GRHL2: variants seen among roughly 807,000 people sequenced by gnomAD.
The protein encoded by GRHL2 is grainyhead like transcription factor 2.
In GRHL2, 21 loss-of-function variants were observed where a neutral mutation model predicts 83.8. The observed-to-expected ratio is 0.25, with a 90% CI of 0.18 to 0.36. The LOEUF (loss-of-function observed/expected upper bound fraction) is 0.36, where lower values mean the gene tolerates loss of function less well. Among genes scored for constraint, GRHL2 ranks in the 10% least tolerant of loss-of-function variants. GRHL2 has a pLI of 1.00. For synonymous variants in GRHL2, 280 were observed against 278.9 expected (o/e 1.00, Z -0.04); for missense variants, 623 against 781.8 (o/e 0.80, Z 2.42).
At chr8:101,589,567 G>A (rs1183112779) in intron 7 of GRHL2, among the ~76,000 whole-genome samples, 1 of 152,168 alleles carries the variant, frequency 6.6e-6, no homozygotes, top group East Asian at 1.9e-4. Context: ...TTCATACTCT[G>A]TGCTTATGGT....
At chr8:101,652,560 G>GTGT (rs879733135) in intron 14 of GRHL2, among the ~76,000 whole-genome samples, 4 of 53,342 alleles carry the variant, frequency 7.5e-5, no homozygotes, top group African/African-American at 1.0e-4. Flanking sequence ...GTGTATGTGT[G>GTGT]GTGGTGTGTG....
At chr8:101,527,689 T>C (rs981367654) in intron 1 of GRHL2, among the ~76,000 whole-genome samples, 2 of 152,252 alleles carry the variant, frequency 1.3e-5, no homozygotes, top group African/African-American at 4.8e-5. Flanking sequence ...TCTTTATCCA[T>C]GCATCTCTTT....
rs531582006 is a variant in GRHL2, at chr8:101,608,735, T to A, written c.1098+9584T>A. On this transcript the variant is annotated intron_variant, in intron 8 of 15. Transcript: ENST00000646743. Reference sequence around the variant, plus strand: ...ATTTGCTTTGTCTCTGCTCACTCTCTCACACACACACACACACACACACAC... The same window carrying A: ...ATTTGCTTTGTCTCTGCTCACTCTCACACACACACACACACACACACACAC... Among the ~76,000 whole-genome samples, 26 of 144,774 alleles carry A rather than the reference T, an allele frequency of 1.8e-4. No individual in the cohort carries two copies. The East Asian group carries it at 4.2e-3, about 24-fold the overall frequency. The allele number at this position is 144,774 out of a possible 152,430, so 95.0% of individuals were successfully genotyped here.
At chr8:101,601,735 G>A (rs1443022237) in intron 8 of GRHL2, among the ~76,000 whole-genome samples, 1 of 152,128 alleles carries the variant, frequency 6.6e-6, no homozygotes, top group African/African-American at 2.4e-5. Flanking sequence ...TGAGGTTTGG[G>A]TTAATCAATA....
chr8:101,674,501 A>G (rs1160392122), downstream of GRHL2, among the ~76,000 whole-genome samples: 1 of 152,160 alleles, frequency 6.6e-6, no homozygotes, highest in East Asian at 1.9e-4. Context: ...TCCCAAGACT[A>G]AACCAGGAAG....
intron 13 of GRHL2, among the ~76,000 whole-genome samples, chr8:101,647,309 G>A (rs1474228424): frequency 6.6e-6 from 1 of 152,202 alleles, no homozygotes; most frequent in Non-Finnish European, 1.5e-5. Context: ...AGGTTGCAGT[G>A]AGCTGAGATC....
chr8:101,649,572 G>A (rs187814838), intron 14 of GRHL2, 73 bp downstream of exon 14: 27 of 1,112,898 alleles, frequency 2.4e-5, no homozygotes, highest in East Asian at 1.7e-4. Flanking sequence ...ATGTACTAAC[G>A]TGCAGCCACC....
chr8:101,583,370 T>A (rs948898765), intron 7 of GRHL2, among the ~76,000 whole-genome samples: 3 of 152,186 alleles, frequency 2.0e-5, no homozygotes, highest in Non-Finnish European at 4.4e-5. Context: ...ACTGTCAAGC[T>A]GATAGAGCCT....
At chr8:101,670,798 T>C (rs542266495), downstream of GRHL2, among the ~76,000 whole-genome samples, 1 of 152,328 alleles carries the variant, frequency 6.6e-6, no homozygotes, top group African/African-American at 2.4e-5. Flanking sequence ...TGTCGTGAAG[T>C]TCAGTACCAG....
chr8:101,666,807 A>C lies in GRHL2; in HGVS notation c.*104A>C, dbSNP rs531168938. ...CCTGGAGACCCATCTCCCCCATCTC[A>C]CAACTGCTGTTACAAGACCGTGCTG... On this transcript the variant is annotated 3_prime_UTR_variant, in exon 16 of 16. Coordinates refer to ENST00000646743, the MANE Select transcript of GRHL2 (RefSeq NM_024915.4). 4.0e-6 allele frequency: 3 copies of C among 756,718 alleles called. No individual in the cohort carries two copies. The highest frequency in any genetic ancestry group is 2.9e-5 in the South Asian group (2 of 69,140). The allele number at this position is 756,718 out of a possible 1,614,324, so 46.9% of individuals were successfully genotyped here.
intron 1 of GRHL2, among the ~76,000 whole-genome samples, chr8:101,505,586 A>AAAAC (rs1810322882): frequency 6.6e-6 from 1 of 151,464 alleles, no homozygotes; most frequent in African/African-American, 2.4e-5. Context: ...TCAAAAAAAA[A>AAAAC]AAAAAAAAAA....
At chr8:101,504,010 A>T (rs1810284779) in intron 1 of GRHL2, among the ~76,000 whole-genome samples, 1 of 152,130 alleles carries the variant, frequency 6.6e-6, no homozygotes, top group African/African-American at 2.4e-5. Context: ...TTATGTATTT[A>T]TGTATGTATG....
chr8:101,652,451 T>TGTGTGTG (rs1813670414), intron 14 of GRHL2, among the ~76,000 whole-genome samples: 7 of 79,310 alleles, frequency 8.8e-5, no homozygotes, highest in Middle Eastern at 6.6e-3. Flanking sequence ...GTGTGTGGTG[T>TGTGTGTG]GTGTCTGGTG....
intron 14 of GRHL2, among the ~76,000 whole-genome samples, chr8:101,663,676 T>C (rs1229744258): frequency 6.6e-6 from 1 of 152,050 alleles, no homozygotes; most frequent in African/African-American, 2.4e-5. Flanking sequence ...TTGCTTTAAT[T>C]TGAAAATTTT....
downstream of GRHL2, among the ~76,000 whole-genome samples, chr8:101,671,424 G>A (rs1221289831): frequency 6.6e-6 from 1 of 152,188 alleles, no homozygotes; most frequent in Non-Finnish European, 1.5e-5. Context: ...TAGCACAGCA[G>A]TCTGAGATCA....
chr8:101,659,354 T>G (rs1813868213), intron 14 of GRHL2, among the ~76,000 whole-genome samples: 1 of 152,200 alleles, frequency 6.6e-6, no homozygotes, highest in African/African-American at 2.4e-5. Context: ...AAGATGAATG[T>G]TTTCCCCATC....
intron 14 of GRHL2, among the ~76,000 whole-genome samples, chr8:101,660,892 A>G (rs999530022): frequency 3.3e-5 from 5 of 152,012 alleles, no homozygotes; most frequent in African/African-American, 1.2e-4. Context: ...CTCCCCATCA[A>G]CTTCCAACTT....
chr8:101,630,721 G>T (rs1447743979), intron 9 of GRHL2, among the ~76,000 whole-genome samples: 1 of 152,172 alleles, frequency 6.6e-6, no homozygotes, highest in African/African-American at 2.4e-5. Context: ...CACCTGCCTA[G>T]TGCCTTGTGA....
At chr8:101,532,267 C>A (rs1356269426) in intron 1 of GRHL2, among the ~76,000 whole-genome samples, 2 of 152,122 alleles carry the variant, frequency 1.3e-5, no homozygotes, top group African/African-American at 4.8e-5. Context: ...GGGAAAAAGG[C>A]CAATATTCCA....
Sources: allele counts gnomAD v4.1 joint callset (sites outside exome capture counted in the v4.1 genomes callset), GRCh38; gene constraint gnomAD v4.1.1; transcripts MANE v1.5; gene names NCBI Gene and HGNC (gene_info 2026-07-23, HGNC 2026-07-21).